The following LARGE1 variants were observed in gnomAD, a reference collection of about 807,000 sequenced individuals.
LARGE1 encodes the protein xylosyl- and glucuronyltransferase LARGE1.
A neutral mutation model predicts 87.6 loss-of-function variants in LARGE1; 43 were observed. The ratio of observed to expected loss-of-function variants is 0.49; its 90% CI spans 0.38 to 0.63. The LOEUF (loss-of-function observed/expected upper bound fraction) is 0.63. LARGE1 is among the 30% of genes least tolerant of loss of function. The pLI is 0.00. For synonymous variants in LARGE1, 434 were observed against 394.6 expected (o/e 1.10, Z -1.18); for missense variants, 802 against 1,000.2 (o/e 0.80, Z 2.67).
rs143440400 is a variant in LARGE1 at position 33,827,796 on chromosome 22, G to A, written c.-82-66238C>T. ...ACTTTAGGAACATCACTGTCACCTG[G>A]AGAGCTTTGTTCAAACAGATTGCTG... On this transcript the variant is annotated intron_variant, in intron 1 of 14. Transcript: ENST00000397394. Among the ~76,000 whole-genome samples, 571 of 152,268 alleles carry A rather than the reference G, an allele frequency of 3.7e-3. 2 individuals carry two copies. Among genetic ancestry groups the A allele is most frequent in the African/African-American group, 0.012 (517 of 41,558 alleles).
intron 9 of LARGE1, among the ~76,000 whole-genome samples, chr22:33,338,229 G>A (rs986480419): frequency 1.3e-5 from 2 of 152,146 alleles, no homozygotes; most frequent in Non-Finnish European, 2.9e-5. Flanking sequence ...GGGGAGAAAG[G>A]CGCTTGCTCC....
chr22:33,285,275 G>T (rs943990685), intron 12 of LARGE1, among the ~76,000 whole-genome samples: 3 of 152,084 alleles, frequency 2.0e-5, no homozygotes, highest in African/African-American at 7.2e-5. Context: ...GAAAAGGTAG[G>T]CATTGTAAGG....
At chr22:33,885,605 A>ATCTAGTGAGTGACACCCATTCAGAGGTC (rs2064821545) in intron 1 of LARGE1, among the ~76,000 whole-genome samples, 1 of 152,210 alleles carries the variant, frequency 6.6e-6, no homozygotes, top group Non-Finnish European at 1.5e-5. Context: ...TTATAATGAA[A>ATCTAGTGAGTGACACCCATTCAGAGGTC]TCTAGTGAGT....
At chr22:33,285,596 C>G (rs1321163202) in intron 12 of LARGE1, among the ~76,000 whole-genome samples, 1 of 151,972 alleles carries the variant, frequency 6.6e-6, no homozygotes, top group Admixed American at 6.5e-5. Flanking sequence ...TGTGTTCCAC[C>G]CTGGGCGACA....
At chr22:33,905,207 G>T (rs1180585085) in intron 1 of LARGE1, among the ~76,000 whole-genome samples, 1 of 151,700 alleles carries the variant, frequency 6.6e-6, no homozygotes, top group Non-Finnish European at 1.5e-5. Context: ...GGGACCACAG[G>T]CATGCACCAG....
chr22:33,544,993 A>G (rs1327015307), intron 6 of LARGE1, among the ~76,000 whole-genome samples: 2 of 152,212 alleles, frequency 1.3e-5, no homozygotes, highest in Non-Finnish European at 2.9e-5. Flanking sequence ...TGGAAGGAAG[A>G]AACGTATGCT....
intron 11 of LARGE1, among the ~76,000 whole-genome samples, chr22:33,191,406 C>T (rs538949309): frequency 5.3e-5 from 8 of 152,304 alleles, no homozygotes; most frequent in Non-Finnish European, 7.4e-5. Context: ...TGGAGCGGTG[C>T]GCCCAGGAAC....
At chr22:33,727,518 C>T (rs1461103539) in intron 2 of LARGE1, 9 of 152,192 alleles carry the variant, frequency 5.9e-5, no homozygotes, top group Admixed American at 5.9e-4. Context: ...GAAAACAGAA[C>T]GTGGAGAGAG....
At chr22:33,545,647 C>T (rs2077341782) in intron 6 of LARGE1, among the ~76,000 whole-genome samples, 1 of 152,204 alleles carries the variant, frequency 6.6e-6, no homozygotes, top group Non-Finnish European at 1.5e-5. Flanking sequence ...CCATGTTGGC[C>T]AGGCTGGTCT....
chr22:33,273,010 C>A lies in LARGE1; in HGVS notation c.*1417G>T. 1 of 167,122 alleles carries A rather than the reference C, an allele frequency of 6.0e-6. No homozygotes were observed. The highest frequency in any genetic ancestry group is 1.3e-5 in the Non-Finnish European group (1 of 78,150). The allele number at this position is 167,122 out of a possible 1,614,324, so 10.4% of individuals were successfully genotyped here. On this transcript the variant is annotated 3_prime_UTR_variant, in exon 15 of 15. Coordinates refer to ENST00000397394, the MANE Select transcript of LARGE1 (RefSeq NM_133642.5). ...CAGAAAGTGTGAAGTTGCTGTTTATCCACTGCAATTTAGCTCTCTATGTCA... is the reference window on the plus strand; with the variant it reads ...CAGAAAGTGTGAAGTTGCTGTTTATACACTGCAATTTAGCTCTCTATGTCA...
intron 6 of LARGE1, among the ~76,000 whole-genome samples, chr22:33,478,549 A>C (rs1449255043): frequency 1.3e-5 from 2 of 152,228 alleles, no homozygotes; most frequent in African/African-American, 4.8e-5. Context: ...AGAAAGATGA[A>C]GAGGTCAAAC....
intron 11 of LARGE1, among the ~76,000 whole-genome samples, chr22:33,183,779 G>T (rs72620418): frequency 6.6e-6 from 1 of 151,812 alleles, no homozygotes; most frequent in Admixed American, 6.6e-5. Context: ...TATGAAAGAC[G>T]GGTTCTATTT....
chr22:33,878,154 T>TTTTTTTTTTTTTTTTTTTTTTTTAA, intron 1 of LARGE1, among the ~76,000 whole-genome samples: 1 of 136,032 alleles, frequency 7.4e-6, no homozygotes, highest in Admixed American at 7.6e-5. Flanking sequence ...TTTTTTTTTT[T>TTTTTTTTTTTTTTTTTTTTTTTTAA]AGAGACAGAG....
the LARGE1 span, among the ~76,000 whole-genome samples, chr22:33,118,517 A>G: frequency 6.6e-6 from 1 of 151,674 alleles, no homozygotes; most frequent in Non-Finnish European, 1.5e-5. Context: ...AAAAAAAAAA[A>G]AAAGAAAAGA....
At chr22:33,682,108 A>T (rs2081792051) in intron 2 of LARGE1, among the ~76,000 whole-genome samples, 1 of 152,240 alleles carries the variant, frequency 6.6e-6, no homozygotes, top group African/African-American at 2.4e-5. Context: ...ACACCATATT[A>T]ACACAGCATC....
At chr22:33,477,551 T>C (rs372397227) in intron 6 of LARGE1, among the ~76,000 whole-genome samples, 21 of 152,088 alleles carry the variant, frequency 1.4e-4, no homozygotes, top group African/African-American at 4.8e-4. Context: ...AGTAAAAGCG[T>C]TCAGAATACC....
At chr22:33,343,687 G>A (rs1386712794) in intron 9 of LARGE1, among the ~76,000 whole-genome samples, 1 of 151,994 alleles carries the variant, frequency 6.6e-6, no homozygotes, top group East Asian at 1.9e-4. Flanking sequence ...AAACAACCTG[G>A]TATGGTGATT....
At chr22:33,290,703 C>T (rs760293200) in intron 12 of LARGE1, among the ~76,000 whole-genome samples, 1 of 152,148 alleles carries the variant, frequency 6.6e-6, no homozygotes, top group African/African-American at 2.4e-5. Context: ...GCATCTAGGG[C>T]ACCAGTCAAG....
chr22:33,169,601 C>T (rs1294173272), intron 11 of LARGE1, among the ~76,000 whole-genome samples: 2 of 152,028 alleles, frequency 1.3e-5, no homozygotes, highest in Admixed American at 6.6e-5. Flanking sequence ...ACTGTAATCC[C>T]AGCACTTTGG....
Sources: gnomAD v4.1 joint callset for allele counts (sites outside exome capture counted in the v4.1 genomes callset) on GRCh38, gnomAD v4.1.1 for gene constraint, MANE v1.5 for transcripts, NCBI Gene and HGNC (gene_info 2026-07-23, HGNC 2026-07-21) for gene names.